The following EIPR1 variants were observed in gnomAD, a reference collection of about 807,000 sequenced individuals.
The protein encoded by EIPR1 is EARP and GARP complex-interacting protein 1.
A neutral mutation model predicts 48.1 loss-of-function variants in EIPR1; 25 were observed. That is an observed-to-expected ratio of 0.52 (90% CI 0.38 to 0.73). EIPR1 has a LOEUF of 0.73. Ranked by LOEUF, EIPR1 falls within the 30% of genes least tolerant of loss-of-function variation. The pLI is 0.00. For missense variants in EIPR1, 415 were observed against 506.2 expected (o/e 0.82, Z 1.73); for synonymous variants, 204 against 201.9 (o/e 1.01, Z -0.09).
chr2:3,318,697 C>G (rs762590111), intron 3 of EIPR1, among the ~76,000 whole-genome samples: 11 of 152,196 alleles, frequency 7.2e-5, no homozygotes, highest in Non-Finnish European at 1.5e-4. Context: ...GACTCTCATT[C>G]TGCAATGCTC....
chr2:3,346,757 G>GA (rs1367111245), intron 2 of EIPR1, among the ~76,000 whole-genome samples: 1 of 152,184 alleles, frequency 6.6e-6, no homozygotes, highest in African/African-American at 2.4e-5. Flanking sequence ...CAGAAAAGAC[G>GA]ATAGAAGCTG....
At chr2:3,261,440 G>A (rs1393055670) in intron 3 of EIPR1, among the ~76,000 whole-genome samples, 5 of 152,188 alleles carry the variant, frequency 3.3e-5, no homozygotes, top group East Asian at 1.9e-4. Flanking sequence ...ACCCACTGAC[G>A]GTAAAGATGG....
chr2:3,293,945 G>C (rs1668449188), intron 3 of EIPR1, among the ~76,000 whole-genome samples: 1 of 152,114 alleles, frequency 6.6e-6, no homozygotes, highest in African/African-American at 2.4e-5. Flanking sequence ...AAATGGAATG[G>C]TGGCTATTTG....
chr2:3,242,146 CAG>C (rs1666649377), intron 4 of EIPR1, among the ~76,000 whole-genome samples: 1 of 151,980 alleles, frequency 6.6e-6, no homozygotes, highest in Non-Finnish European at 1.5e-5. Flanking sequence ...GGCTGGAAGA[CAG>C]AGATTTCAGG....
At position 3,277,022 on chromosome 2, in the gene EIPR1, T is replaced by C. The variant is rs75779549; in HGVS notation, c.260-19567A>G. Among the ~76,000 whole-genome samples, 50 of 152,248 alleles carry C rather than the reference T, an allele frequency of 3.3e-4. 1 individual carries two copies. In the East Asian group the frequency reaches 9.5e-3, roughly 29 times the overall value. ...GTACTGTGTAATCCAATACTCTAAT[T>C]AAAAACGTAAGAGAAAGAGAAGGTA... is the stretch of plus-strand genomic sequence containing the variant. On this transcript the variant is annotated intron_variant, in intron 3 of 8. Coordinates refer to ENST00000382125, the MANE Select transcript of EIPR1 (RefSeq NM_003310.5).
rs572264578 is a variant in EIPR1, at chr2:3,267,444, G to A, written c.260-9989C>T. Among the ~76,000 whole-genome samples, 87 of 152,354 alleles carry A rather than the reference G, an allele frequency of 5.7e-4. No homozygotes were observed. The South Asian group carries it at 0.017, about 29-fold the overall frequency. ...GCTGTTTGGCCTGCGTCGCAGCAGC[G>A]GGTTCTTGGAGAATGACAGTGCATG... On this transcript the variant is annotated intron_variant, in intron 3 of 8. Coordinates refer to ENST00000382125, the MANE Select transcript of EIPR1 (RefSeq NM_003310.5).
chr2:3,307,405 G>A (rs1439284892), intron 3 of EIPR1, among the ~76,000 whole-genome samples: 1 of 152,222 alleles, frequency 6.6e-6, no homozygotes, highest in Non-Finnish European at 1.5e-5. Flanking sequence ...TGGGGTGGGT[G>A]CCTCCCTTCC....
At chr2:3,214,753 G>A (rs1177394622) in intron 4 of EIPR1, among the ~76,000 whole-genome samples, 2 of 152,196 alleles carry the variant, frequency 1.3e-5, no homozygotes, top group Non-Finnish European at 2.9e-5. Flanking sequence ...AAGGTAGAAT[G>A]GTTGTATGGG....
intron 4 of EIPR1, among the ~76,000 whole-genome samples, chr2:3,219,661 A>C (rs1377743320): frequency 9.7e-6 from 1 of 103,420 alleles, no homozygotes; most frequent in Non-Finnish European, 2.0e-5. Context: ...TATATTCTAG[A>C]GCATTCACAG....
chr2:3,229,522 T>C (rs1666171286), intron 4 of EIPR1, among the ~76,000 whole-genome samples: 1 of 152,378 alleles, frequency 6.6e-6, no homozygotes, highest in Non-Finnish European at 1.5e-5. Context: ...GCAGATGTTT[T>C]ATCACCACAC....
At chr2:3,322,274 C>A (rs6548153) in intron 3 of EIPR1, among the ~76,000 whole-genome samples, 42,123 of 152,098 alleles carry the variant, frequency 0.28, 7,848 homozygotes, top group East Asian at 0.64. Context: ...CTGGCTGTGT[C>A]GCTCATGTCT....
chr2:3,342,418 G>A lies in EIPR1; in HGVS notation c.127-4269C>T, dbSNP rs965530808. Among the ~76,000 whole-genome samples, 3 of 152,336 alleles carry A rather than the reference G, an allele frequency of 2.0e-5. No homozygotes were observed. The East Asian group carries it at 5.8e-4, about 29-fold the overall frequency. On this transcript the variant is annotated intron_variant, in intron 2 of 8. Transcript: ENST00000382125. ...CCATTAGCACTGAAAACAGGGATGC[G>A]CTTAAATGTACTACTTTGCAAATCT...
chr2:3,300,768 G>A (rs773634690), intron 3 of EIPR1: 15 of 152,200 alleles, frequency 9.9e-5, no homozygotes, highest in Non-Finnish European at 2.1e-4. Context: ...GTCCAAAAGC[G>A]TTTGTAAACC....
At chr2:3,250,149 G>A (rs1324478207) in intron 4 of EIPR1, among the ~76,000 whole-genome samples, 1 of 152,226 alleles carries the variant, frequency 6.6e-6, no homozygotes, top group Non-Finnish European at 1.5e-5. Flanking sequence ...AAGAATGGTA[G>A]AGCCAGAAGC....
intron 6 of EIPR1, among the ~76,000 whole-genome samples, chr2:3,194,761 T>C (rs1156941296): frequency 2.0e-5 from 3 of 151,324 alleles, no homozygotes; most frequent in African/African-American, 4.9e-5. Context: ...TCTATAGATA[T>C]ATACAGAGAG....
At position 3,257,286 on chromosome 2, in the gene EIPR1, T is replaced by A; in HGVS notation, c.416+13A>T. ...AGGCTCGTTCTGGGCGCATGAAATA[T>A]GCAAAATCCTACCAGGCCATGTTGC... On this transcript the variant is annotated intron_variant, in intron 4 of 8. Coordinates refer to ENST00000382125, the MANE Select transcript of EIPR1 (RefSeq NM_003310.5). The A allele has an allele frequency of 1.9e-6, 3 of 1,610,988 alleles. No individual in the cohort carries two copies. The highest frequency in any genetic ancestry group is 2.5e-6 in the Non-Finnish European group (3 of 1,177,654).
chr2:3,373,012 C>T (rs1324170298), intron 1 of EIPR1, among the ~76,000 whole-genome samples: 2 of 152,150 alleles, frequency 1.3e-5, no homozygotes, highest in Non-Finnish European at 2.9e-5. Context: ...TCCAGCAGCA[C>T]ATCAAAAAGC....
At chr2:3,284,711 G>A (rs557352278) in intron 3 of EIPR1, among the ~76,000 whole-genome samples, 6 of 152,356 alleles carry the variant, frequency 3.9e-5, no homozygotes, top group Admixed American at 6.5e-5. Context: ...AATGGAGCCA[G>A]GATTCCAACT....
chr2:3,208,707 G>A lies in EIPR1; in HGVS notation c.516+5442C>T, dbSNP rs545249344. The A allele has an allele frequency of 1.4e-5, 21 of 1,549,800 alleles. No individual in the cohort carries two copies. In the South Asian group the frequency reaches 2.4e-4, roughly 18 times the overall value. ...CAATTCCCCCAGGAAACACTCGGCGGGTCCTTCTTCCATGCGTGAGGCTCG... is the reference window on the plus strand; with the variant it reads ...CAATTCCCCCAGGAAACACTCGGCGAGTCCTTCTTCCATGCGTGAGGCTCG... On this transcript the variant is annotated intron_variant, in intron 5 of 8. Transcript: ENST00000382125.
Sources: gnomAD v4.1 joint callset for allele counts (sites outside exome capture counted in the v4.1 genomes callset) on GRCh38, gnomAD v4.1.1 for gene constraint, MANE v1.5 for transcripts, NCBI Gene and HGNC (gene_info 2026-07-23, HGNC 2026-07-21) for gene names.